Variants in TMOD3 observed in about 807,000 individuals in gnomAD.
TMOD3 encodes the protein tropomodulin 3.
A neutral mutation model predicts 39.2 loss-of-function variants in TMOD3; 20 were observed. The observed-to-expected ratio is 0.51, with a 90% CI of 0.36 to 0.74. TMOD3 has a LOEUF of 0.74. TMOD3 is among the 30% of genes least tolerant of loss of function. TMOD3 has a pLI of 0.00. For missense variants in TMOD3, 381 were observed against 412.8 expected (o/e 0.92, Z 0.67); for synonymous variants, 143 against 145.8 (o/e 0.98, Z 0.14).
In TMOD3 at chr15:51,911,705, CAT is replaced by C. The variant is rs1305516832; in HGVS notation, c.*2898_*2899del. On this transcript the variant is annotated 3_prime_UTR_variant, in exon 10 of 10. Transcript: ENST00000308580. Reference sequence around the variant, plus strand: ...TACCCATTTTATAAAATGTTATACTCATATTTGTCTGAATTTTTCCAGTATTC... The same window carrying C: ...TACCCATTTTATAAAATGTTATACTCATTTGTCTGAATTTTTCCAGTATTC... The C allele has an allele frequency of 6.6e-6, 1 of 152,096 alleles. No homozygotes were observed. Among genetic ancestry groups the C allele is most frequent in the African/African-American group, 2.4e-5 (1 of 41,424 alleles). The allele number at this position is 152,096 out of a possible 1,614,324, so 9.4% of individuals were successfully genotyped here.
chr15:51,830,936 A>G (rs1009220236), intron 1 of TMOD3, among the ~76,000 whole-genome samples: 1 of 152,232 alleles, frequency 6.6e-6, no homozygotes. Flanking sequence ...GAAAGGAACA[A>G]AACGAATTAA....
intron 3 of TMOD3, among the ~76,000 whole-genome samples, chr15:51,874,758 AT>A (rs2056493097): frequency 6.6e-6 from 1 of 151,768 alleles, no homozygotes; most frequent in South Asian, 2.1e-4. Flanking sequence ...TAGACTAAGA[AT>A]TTTTTTTCCC....
intron 1 of TMOD3, among the ~76,000 whole-genome samples, chr15:51,862,566 T>C (rs1474598355): frequency 6.6e-6 from 1 of 152,246 alleles, no homozygotes; most frequent in Non-Finnish European, 1.5e-5. Context: ...TTCTAAATTC[T>C]ATCAAGTGGC....
intron 8 of TMOD3, among the ~76,000 whole-genome samples, chr15:51,900,553 G>A (rs2056645139): frequency 6.6e-6 from 1 of 152,176 alleles, no homozygotes; most frequent in Non-Finnish European, 1.5e-5. Flanking sequence ...TGAACTGAGA[G>A]GACTCTTACA....
chr15:51,833,522 C>T (rs2056266470), intron 1 of TMOD3: 1 of 152,254 alleles, frequency 6.6e-6, no homozygotes, highest in South Asian at 2.1e-4. Flanking sequence ...CCCTCACCCA[C>T]CTTCCTCCAA....
intron 1 of TMOD3, among the ~76,000 whole-genome samples, chr15:51,850,072 A>T (rs2056353818): frequency 6.6e-6 from 1 of 152,076 alleles, no homozygotes; most frequent in South Asian, 2.1e-4. Flanking sequence ...GAGGGAGAGG[A>T]CTCGGGTTAC....
At chr15:51,846,037 T>C (rs915511740) in intron 1 of TMOD3, among the ~76,000 whole-genome samples, 2 of 151,678 alleles carry the variant, frequency 1.3e-5, no homozygotes, top group Admixed American at 1.3e-4. Context: ...CACTACTGAC[T>C]GAGCGCAGTG....
rs867974043 is a variant in TMOD3, at chr15:51,830,000, G to C, written c.-75+164G>C. ...CGGGGAGCAGGGGTGCGCGGGGGCT[G>C]CTTCTGCGCGAACGGCCCGGGCGGG... On this transcript the variant is annotated intron_variant, in intron 1 of 9. Transcript: ENST00000308580. Among the ~76,000 whole-genome samples the C allele has an allele frequency of 2.6e-5, 4 of 152,182 alleles. No individual in the cohort carries two copies. In the East Asian group the frequency reaches 7.7e-4, roughly 29 times the overall value.
rs759290865 is a variant in TMOD3 at position 51,908,841 on chromosome 15, C to G, written c.*31C>G. ...CAAAGGTGTAATCTTTGGAAGACTT[C>G]AGAAGATCACCAAGGGCTCATGTTG... On this transcript the variant is annotated 3_prime_UTR_variant, in exon 10 of 10. Transcript: ENST00000308580. 2.5e-6 allele frequency: 4 copies of G among 1,581,410 alleles called. No individual in the cohort carries two copies. Among genetic ancestry groups the G allele is most frequent in the Non-Finnish European group, 3.4e-6 (4 of 1,163,454 alleles).
At chr15:51,860,663 C>T (rs1370791520) in intron 1 of TMOD3, 9 of 499,202 alleles carry the variant, frequency 1.8e-5, no homozygotes, top group Non-Finnish European at 3.2e-5. Flanking sequence ...AGGCCAGGCA[C>T]GGTGGCTCAT....
At chr15:51,905,950 C>CAA (rs869172248) in intron 9 of TMOD3, among the ~76,000 whole-genome samples, 1,108 of 64,730 alleles carry the variant, frequency 0.017, 127 homozygotes, top group South Asian at 0.032. Context: ...GACTCCGTCT[C>CAA]AAAAAAAAAA....
chr15:51,873,285 A>G (rs1475960791), intron 3 of TMOD3, among the ~76,000 whole-genome samples: 3 of 152,190 alleles, frequency 2.0e-5, no homozygotes, highest in African/African-American at 7.2e-5. Flanking sequence ...TTTTTTAAAG[A>G]TAGCTCTCCT....
At chr15:51,843,653 G>T (rs1202571145) in intron 1 of TMOD3, among the ~76,000 whole-genome samples, 1 of 152,100 alleles carries the variant, frequency 6.6e-6, no homozygotes. Flanking sequence ...CCTTTCCTGG[G>T]AAGGGGCAGG....
chr15:51,867,231 C>A (rs2056451675), intron 2 of TMOD3, among the ~76,000 whole-genome samples: 1 of 152,124 alleles, frequency 6.6e-6, no homozygotes, highest in African/African-American at 2.4e-5. Flanking sequence ...AAGCTTAGAT[C>A]ATAGTTTCGA....
intron 1 of TMOD3, among the ~76,000 whole-genome samples, chr15:51,834,425 GTGAT>G (rs2056271106): frequency 6.6e-6 from 1 of 152,052 alleles, no homozygotes; most frequent in Non-Finnish European, 1.5e-5. Context: ...ATTTGAGTCT[GTGAT>G]TGATCTCAAA....
At chr15:51,902,173 A>C (rs913153306) in intron 9 of TMOD3, 137 bp downstream of exon 9, 5 of 960,042 alleles carry the variant, frequency 5.2e-6, no homozygotes, top group Non-Finnish European at 7.6e-6. Flanking sequence ...GGTCCTTTAT[A>C]TACTGATTGA....
rs1595890491 is a variant in TMOD3, at chr15:51,843,186, CTT to C, written c.-75+13352_-75+13353del. On this transcript the variant is annotated intron_variant, in intron 1 of 9. Coordinates refer to ENST00000308580, the MANE Select transcript of TMOD3 (RefSeq NM_014547.5). The stretch of plus-strand genomic sequence containing the variant: ...TTGGAGAGGACAGACTTCAGCTAGT[CTT>C]TGAATTGTGCAGCGTGTGGATAAGA... Among the ~76,000 whole-genome samples the C allele has an allele frequency of 2.0e-5, 3 of 152,278 alleles. No homozygotes were observed. In the East Asian group the frequency reaches 5.8e-4, roughly 29 times the overall value.
chr15:51,843,119 G>A (rs1367807405), intron 1 of TMOD3, among the ~76,000 whole-genome samples: 2 of 152,184 alleles, frequency 1.3e-5, no homozygotes, highest in African/African-American at 2.4e-5. Context: ...GATCTTGAGA[G>A]GAGGAAAAAG....
At chr15:51,881,536 A>G (rs1010934078) in intron 3 of TMOD3, among the ~76,000 whole-genome samples, 2 of 140,884 alleles carry the variant, frequency 1.4e-5, no homozygotes, top group African/African-American at 5.5e-5. Flanking sequence ...CGGAGATACA[A>G]TCTTTCTTTA....
Sources: gnomAD v4.1 joint callset for allele counts (sites outside exome capture counted in the v4.1 genomes callset) on GRCh38, gnomAD v4.1.1 for gene constraint, MANE v1.5 for transcripts, NCBI Gene and HGNC (gene_info 2026-07-23, HGNC 2026-07-21) for gene names.